The following SINHCAF variants were observed in gnomAD, a reference collection of about 807,000 sequenced individuals.
SINHCAF encodes SIN3-HDAC complex-associated factor.
SINHCAF carries 3 observed loss-of-function variants against 25.8 expected under a neutral mutation model. That is an observed-to-expected ratio of 0.12 (90% CI 0.05 to 0.30). SINHCAF has a LOEUF of 0.30. Among genes scored for constraint, SINHCAF ranks in the 10% least tolerant of loss-of-function variants. The pLI is 1.00. For missense variants in SINHCAF, 121 were observed against 262.3 expected, an observed-to-expected ratio of 0.46 and a Z score of 3.72; for synonymous variants, 70 against 85.5, an observed-to-expected ratio of 0.82 and a Z score of 1.00.
chr12:31,297,112 T>A, intron 2 of SINHCAF: 1 of 370,958 alleles, frequency 2.7e-6, no homozygotes, highest in Non-Finnish European at 5.5e-6. Context: ...CTTTTTCTTA[T>A]CAAAACATTT....
intron 1 of SINHCAF, among the ~76,000 whole-genome samples, chr12:31,320,386 T>TTACAA (rs1939653120): frequency 6.6e-6 from 1 of 152,218 alleles, no homozygotes; most frequent in East Asian, 1.9e-4. Flanking sequence ...ATTACTTATT[T>TTACAA]TACAAAACCC....
At chr12:31,317,323 A>AT (rs1939531160) in intron 1 of SINHCAF, among the ~76,000 whole-genome samples, 1 of 151,534 alleles carries the variant, frequency 6.6e-6, no homozygotes, top group East Asian at 2.0e-4. Flanking sequence ...CTAAAAATCA[A>AT]CTGGCCTAAG....
At chr12:31,315,158 G>T (rs1939447717) in intron 1 of SINHCAF, among the ~76,000 whole-genome samples, 1 of 152,190 alleles carries the variant, frequency 6.6e-6, no homozygotes, top group Non-Finnish European at 1.5e-5. Context: ...TTTTAAACAG[G>T]AAAATATGTG....
intron 1 of SINHCAF, among the ~76,000 whole-genome samples, chr12:31,317,978 A>C (rs182992982): frequency 1.3e-5 from 2 of 152,364 alleles, no homozygotes; most frequent in Middle Eastern, 3.4e-3. Context: ...GGAAAGGAAA[A>C]GAAATAACAC....
Position 31,282,746 on chromosome 12 carries a change from G to A in SINHCAF, c.632C>T (p.Pro211Leu), listed in dbSNP as rs761522638. 1 of 1,611,120 alleles carries A rather than the reference G, an allele frequency of 6.2e-7. No individual in the cohort carries two copies. The highest frequency in any genetic ancestry group is 8.5e-7 in the Non-Finnish European group (1 of 1,178,738). Residue 211 changes from proline to leucine, a missense_variant, in exon 6 of 6, where the codon CCA becomes CTA. Coordinates refer to ENST00000337682, the MANE Select transcript of SINHCAF (RefSeq NM_001135812.2). ...CTGAGTGGAGATGGGCAGAGGCTCT[G>A]GCCCCTGCTCCTCTGGCTTCTCAGC... Reference protein sequence around the residue: ...AAAEKPEEQGPEPLPISTQEW With the variant: ...AAAEKPEEQGLEPLPISTQEW
In SINHCAF at chr12:31,309,137, A is replaced by T. The variant is rs934092368; in HGVS notation, c.-20-10913T>A. ...AGTGAGATTCTGTCTCAAAAAAAAA[A>T]AAAAAAAAAAAAAGAACACTATCAT... On this transcript the variant is annotated intron_variant, in intron 1 of 5. Coordinates refer to ENST00000337682, the MANE Select transcript of SINHCAF (RefSeq NM_001135812.2). Among the ~76,000 whole-genome samples, 394 of 151,554 alleles carry T rather than the reference A, an allele frequency of 2.6e-3. 2 individuals are homozygous for T. The highest frequency in any genetic ancestry group is 8.9e-3 in the African/African-American group (368 of 41,302).
chr12:31,323,440 TC>T (rs1439976314), intron 1 of SINHCAF, among the ~76,000 whole-genome samples: 6 of 152,178 alleles, frequency 3.9e-5, no homozygotes, highest in African/African-American at 1.4e-4. Context: ...GAAAAGCTTT[TC>T]TTAACCCTCC....
chr12:31,305,802 C>T (rs1254786957), intron 1 of SINHCAF, among the ~76,000 whole-genome samples: 1 of 150,506 alleles, frequency 6.6e-6, no homozygotes, highest in Non-Finnish European at 1.5e-5. Context: ...CAGGTTTAAG[C>T]GATTCTCCTG....
intron 2 of SINHCAF, chr12:31,296,868 A>T (rs575383704): frequency 2.5e-4 from 75 of 298,152 alleles, no homozygotes; most frequent in South Asian, 2.1e-3. Context: ...ACAAACCAAC[A>T]AACAAACAAA....
chr12:31,320,668 G>C (rs1253996566), intron 1 of SINHCAF, among the ~76,000 whole-genome samples: 4 of 152,132 alleles, frequency 2.6e-5, no homozygotes, highest in African/African-American at 2.4e-5. Flanking sequence ...CTAATGTTTT[G>C]AAAGGAGTCA....
At position 31,294,475 on chromosome 12, in the gene SINHCAF, T is replaced by C. The variant is rs1021685193; in HGVS notation, c.229-544A>G. Reference sequence around the variant, plus strand: ...TCTTCAGGCCTATTCTTTATGCTTTTTTCACTTTACACCTTAATCTCTGAG... The same window carrying C: ...TCTTCAGGCCTATTCTTTATGCTTTCTTCACTTTACACCTTAATCTCTGAG... On this transcript the variant is annotated intron_variant, in intron 3 of 5. Coordinates refer to ENST00000337682, the MANE Select transcript of SINHCAF (RefSeq NM_001135812.2). 3.3e-5 allele frequency among the ~76,000 whole-genome samples: 5 copies of C among 152,136 alleles called. 1 individual carries two copies. Among genetic ancestry groups the C allele is most frequent in the Admixed American group, 2.6e-4 (4 of 15,264 alleles).
chr12:31,283,477 C>A (rs961424572), intron 5 of SINHCAF, among the ~76,000 whole-genome samples: 1 of 152,004 alleles, frequency 6.6e-6, no homozygotes, highest in African/African-American at 2.4e-5. Flanking sequence ...GTGGCACGTG[C>A]CTGTAGTCCC....
chr12:31,282,468 A>G lies in SINHCAF; in HGVS notation c.*244T>C. ...TGAAACCCCGTCTCTACTAAAACTAAAAAATTAGCCGGGTCTGGTGGCGGG... is the reference window on the plus strand; with the variant it reads ...TGAAACCCCGTCTCTACTAAAACTAGAAAATTAGCCGGGTCTGGTGGCGGG... On this transcript the variant is annotated 3_prime_UTR_variant, in exon 6 of 6. Coordinates refer to ENST00000337682, the MANE Select transcript of SINHCAF (RefSeq NM_001135812.2). The G allele has an allele frequency of 3.1e-6, 1 of 321,074 alleles. No homozygotes were observed. The highest frequency in any genetic ancestry group is 5.6e-6 in the Non-Finnish European group (1 of 177,676). The allele number at this position is 321,074 out of a possible 1,614,324, so 19.9% of individuals were successfully genotyped here.
At chr12:31,305,195 A>C (rs79401471) in intron 1 of SINHCAF, 1 of 152,154 alleles carries the variant, frequency 6.6e-6, no homozygotes, top group Non-Finnish European at 1.5e-5. Flanking sequence ...TTAGTCAACG[A>C]TACCTGGTAA....
chr12:31,286,932 T>TG (rs59818363), intron 5 of SINHCAF, among the ~76,000 whole-genome samples: 1 of 152,126 alleles, frequency 6.6e-6, no homozygotes, highest in African/African-American at 2.4e-5. Flanking sequence ...TTTGTTTGTT[T>TG]TTTTAAATAG....
At chr12:31,294,296 A>G (rs1378520752) in intron 3 of SINHCAF, among the ~76,000 whole-genome samples, 1 of 152,218 alleles carries the variant, frequency 6.6e-6, no homozygotes, top group African/African-American at 2.4e-5. Context: ...TATACTTTTT[A>G]TATTTAGTAC....
At chr12:31,323,333 G>C (rs1345652507) in intron 1 of SINHCAF, among the ~76,000 whole-genome samples, 5 of 152,104 alleles carry the variant, frequency 3.3e-5, no homozygotes. Flanking sequence ...ATTTTAAAAG[G>C]CTTTTCAAGT....
At chr12:31,315,883 T>C (rs967635393) in intron 1 of SINHCAF, among the ~76,000 whole-genome samples, 11 of 152,178 alleles carry the variant, frequency 7.2e-5, no homozygotes, top group South Asian at 2.1e-4. Flanking sequence ...CAATCAACCA[T>C]GGCCGGGCGT....
At chr12:31,318,903 CTGTT>C (rs1372462117) in intron 1 of SINHCAF, among the ~76,000 whole-genome samples, 1 of 152,094 alleles carries the variant, frequency 6.6e-6, no homozygotes, top group African/African-American at 2.4e-5. Flanking sequence ...TTGGGAAATT[CTGTT>C]TATTTCCTTG....
Sources: gnomAD v4.1 joint callset for allele counts (sites outside exome capture counted in the v4.1 genomes callset) on GRCh38, gnomAD v4.1.1 for gene constraint, MANE v1.5 for transcripts, NCBI Gene and HGNC (gene_info 2026-07-23, HGNC 2026-07-21) for gene names.